ELP1: variants seen among roughly 807,000 people sequenced by gnomAD.
ELP1 encodes the protein elongator acetyltransferase complex subunit 1, also known as elongator complex protein 1.
ELP1 carries 131 observed loss-of-function variants against 183.2 expected under a neutral mutation model. That is an observed-to-expected ratio of 0.72 (90% confidence interval 0.62 to 0.83). ELP1 has a LOEUF of 0.83. Among genes scored for constraint, ELP1 ranks in the 40% least tolerant of loss-of-function variants. ELP1 has a pLI of 0.00. For missense variants in ELP1, 1,550 were observed against 1,594.9 expected, an observed-to-expected ratio of 0.97 and a Z score of 0.48; for synonymous variants, 555 against 569.0, an observed-to-expected ratio of 0.98 and a Z score of 0.35.
chr9:108,924,122 C>T (rs1277020596), intron 5 of ELP1, among the ~76,000 whole-genome samples: 1 of 152,196 alleles, frequency 6.6e-6, no homozygotes, highest in African/African-American at 2.4e-5. Flanking sequence ...AGAAAGAGAA[C>T]TTTTCCAATG....
intron 17 of ELP1, 45 bp from the exon 18 acceptor site, chr9:108,901,575 T>C (rs1380002764): frequency 6.2e-7 from 1 of 1,607,576 alleles, no homozygotes; most frequent in African/African-American, 1.3e-5. Context: ...CTAGCTAGAT[T>C]ACTCGGAGCT....
At chr9:108,888,682 CAATT>C (rs1828215072) in intron 29 of ELP1, among the ~76,000 whole-genome samples, 1 of 152,062 alleles carries the variant, frequency 6.6e-6, no homozygotes, top group Non-Finnish European at 1.5e-5. Flanking sequence ...ACACAAGAGA[CAATT>C]AAATATTTTT....
chr9:108,915,391 G>T (rs1228397315), intron 10 of ELP1, among the ~76,000 whole-genome samples: 2 of 152,194 alleles, frequency 1.3e-5, no homozygotes, highest in Non-Finnish European at 2.9e-5. Context: ...TCCCCATAAT[G>T]TGGGAAGGTC....
chr9:108,888,614 T>C (rs114097957), intron 29 of ELP1, among the ~76,000 whole-genome samples: 2,576 of 152,302 alleles, frequency 0.017, 70 homozygotes, highest in African/African-American at 0.06. Flanking sequence ...CCAACAAATA[T>C]TCTCTCCAGG....
At chr9:108,926,733 C>T (rs1829836174) in intron 4 of ELP1, 130 bp from the exon 5 acceptor site, 1 of 716,618 alleles carries the variant, frequency 1.4e-6, no homozygotes, top group African/African-American at 1.8e-5. Context: ...ATCCAAAATG[C>T]TTTGACTTAA....
intron 12 of ELP1, among the ~76,000 whole-genome samples, chr9:108,909,944 C>T (rs1487346921): frequency 6.6e-6 from 1 of 152,004 alleles, no homozygotes; most frequent in African/African-American, 2.4e-5. Context: ...CATATATATA[C>T]ATATACATAT....
At chr9:108,900,466 G>C in intron 18 of ELP1, 91 bp from the exon 19 acceptor site, 1 of 912,430 alleles carries the variant, frequency 1.1e-6, no homozygotes, top group Non-Finnish European at 1.8e-6. Flanking sequence ...ATGTGAAATA[G>C]AAGAGAACAA....
intron 10 of ELP1, among the ~76,000 whole-genome samples, chr9:108,913,710 C>T (rs946499530): frequency 6.6e-6 from 1 of 152,070 alleles, no homozygotes; most frequent in Non-Finnish European, 1.5e-5. Flanking sequence ...TGCAGTGGCT[C>T]AATCTCGGCT....
chr9:108,910,855 A>G (rs1399670845), intron 12 of ELP1, among the ~76,000 whole-genome samples, 155 bp downstream of exon 12: 2 of 151,906 alleles, frequency 1.3e-5, no homozygotes, highest in Non-Finnish European at 2.9e-5. Flanking sequence ...CAAAAACCCA[A>G]GGCAATTAAA....
intron 12 of ELP1, among the ~76,000 whole-genome samples, chr9:108,909,537 A>G (rs1829135681): frequency 6.6e-6 from 1 of 152,182 alleles, no homozygotes. Flanking sequence ...GTTCCAGTCC[A>G]AGATCTCTTT....
rs367921553 is a variant in ELP1 at position 108,912,360 on chromosome 9, C to T, written c.1093G>A (p.Gly365Ser). The change falls in exon 11 of 37, where the codon GGC (glycine) becomes AGC (serine). Residue 365 changes from glycine to serine, a missense_variant. Transcript: ENST00000374647. ...TPYRLHVLCQ[G>S]WHYLAYDWHW... Reference sequence around the variant, plus strand: ...CAATCATAGGCGAGGTAATGCCAGCCCTGACAGAGAACATGCAGCCGGTAT... The same window carrying T: ...CAATCATAGGCGAGGTAATGCCAGCTCTGACAGAGAACATGCAGCCGGTAT... 20 of 1,614,174 alleles carry T rather than the reference C, an allele frequency of 1.2e-5. No individual in the cohort carries two copies. In the East Asian group the frequency reaches 1.3e-4, roughly 11 times the overall value.
intron 12 of ELP1, among the ~76,000 whole-genome samples, chr9:108,908,825 T>C (rs543264845): frequency 6.6e-6 from 1 of 152,204 alleles, no homozygotes; most frequent in Non-Finnish European, 1.5e-5. Flanking sequence ...TTCTAAGCCC[T>C]CTGGTGGCTC....
chr9:108,891,877 G>T (rs1362148149), intron 27 of ELP1, among the ~76,000 whole-genome samples: 1 of 152,160 alleles, frequency 6.6e-6, no homozygotes, highest in Non-Finnish European at 1.5e-5. Flanking sequence ...GGGGGCACCA[G>T]GCAGAGGGCA....
At chr9:108,874,487 C>T (rs995561605) in intron 36 of ELP1, among the ~76,000 whole-genome samples, 5 of 152,186 alleles carry the variant, frequency 3.3e-5, no homozygotes, top group South Asian at 4.1e-4. Flanking sequence ...AAAGGTCCCA[C>T]TCATAAGCAA....
Position 108,889,357 on chromosome 9 carries a change from G to T in ELP1, c.3197C>A (p.Ala1066Asp). ...CTGGGCACACTCTTCCAAAACCATG[G>T]CCGCATCAATGTGCTTCCTCTGCTC... ...LVEQRKHIDA[A>D]MVLEECAQDY... The change falls in exon 29 of 37, where the codon GCC (alanine) becomes GAC (aspartate). Residue 1066 changes from alanine to aspartate, a missense_variant. Physicochemically the swap from Ala to Asp is moderately radical, Grantham distance 126. Transcript: ENST00000374647. 1 of 1,614,136 alleles carries T rather than the reference G, an allele frequency of 6.2e-7. No homozygotes were observed. The highest frequency in any genetic ancestry group is 8.5e-7 in the Non-Finnish European group (1 of 1,179,986).
At chr9:108,894,486 G>A (rs1360118168) in intron 25 of ELP1, among the ~76,000 whole-genome samples, 2 of 152,218 alleles carry the variant, frequency 1.3e-5, no homozygotes, top group Non-Finnish European at 1.5e-5. Flanking sequence ...AACTCGCACA[G>A]TTGAAACTCA....
At chr9:108,885,081 T>C (rs1828074383) in intron 29 of ELP1, among the ~76,000 whole-genome samples, 1 of 149,638 alleles carries the variant, frequency 6.7e-6, no homozygotes, top group East Asian at 1.9e-4. Flanking sequence ...CCTGTTTCTT[T>C]AAAAAAACAA....
chr9:108,873,636 A>C (rs1412743939), intron 36 of ELP1, among the ~76,000 whole-genome samples: 8 of 152,208 alleles, frequency 5.3e-5, no homozygotes, highest in Non-Finnish European at 1.2e-4. Flanking sequence ...AACGAGGAAC[A>C]CAGGAGGCAG....
chr9:108,911,892 G>C (rs1236176953), intron 11 of ELP1, among the ~76,000 whole-genome samples: 2 of 152,120 alleles, frequency 1.3e-5, no homozygotes, highest in African/African-American at 4.8e-5. Flanking sequence ...AGCAACACAA[G>C]TGGGGTGGTA....
Sources: gnomAD v4.1 joint callset for allele counts (sites outside exome capture counted in the v4.1 genomes callset) on GRCh38, gnomAD v4.1.1 for gene constraint, MANE v1.5 for transcripts, NCBI Gene and HGNC (gene_info 2026-07-23, HGNC 2026-07-21) for gene names.